EIF3L: variants seen among roughly 807,000 people sequenced by gnomAD.
The protein encoded by EIF3L is eIEF associated protein HSPC021.
In EIF3L, 32 loss-of-function variants were observed where a neutral mutation model predicts 74.6. The observed-to-expected ratio is 0.43, with a 90% CI of 0.32 to 0.58. EIF3L has a LOEUF of 0.58. Among genes scored for constraint, EIF3L ranks in the 20% least tolerant of loss-of-function variants. EIF3L has a pLI of 0.06. For missense variants in EIF3L, 474 were observed against 707.8 expected, an observed-to-expected ratio of 0.67 and a Z score of 3.75; for synonymous variants, 256 against 254.4, an observed-to-expected ratio of 1.01 and a Z score of -0.06.
At chr22:37,854,398 A>T (rs1244834273) in intron 3 of EIF3L, among the ~76,000 whole-genome samples, 2 of 152,060 alleles carry the variant, frequency 1.3e-5, no homozygotes, top group Admixed American at 1.3e-4. Flanking sequence ...GAGAAAGGGG[A>T]ATTGGTAAGT....
intron 12 of EIF3L, chr22:37,888,130 G>T: frequency 3.0e-6 from 1 of 333,272 alleles, no homozygotes; most frequent in Non-Finnish European, 5.4e-6. Flanking sequence ...TCCCCTAACT[G>T]AACTAGTAAC....
chr22:37,870,399 A>G lies in EIF3L; in HGVS notation c.751+52A>G, dbSNP rs756052237. The G allele has an allele frequency of 4.6e-6, 7 of 1,529,554 alleles. No individual in the cohort carries two copies. The Admixed American group carries it at 1.0e-4, about 22-fold the overall frequency. The allele number at this position is 1,529,554 out of a possible 1,614,324, so 94.7% of individuals were successfully genotyped here. ...GCCTGCGAATTTCCAGCTGCTTGCC[A>G]TCTGTTCCAAATGAATAGATCACTG... On this transcript the variant is annotated intron_variant, in intron 8 of 12. Coordinates refer to ENST00000652021, the MANE Select transcript of EIF3L (RefSeq NM_016091.4).
intron 4 of EIF3L, among the ~76,000 whole-genome samples, chr22:37,858,332 C>T (rs2145805518): frequency 7.1e-6 from 1 of 141,368 alleles, no homozygotes; most frequent in African/African-American, 2.6e-5. Flanking sequence ...TCAAGCGATC[C>T]TCCCACCTTA....
intron 7 of EIF3L, 43 bp from the exon 8 acceptor site, chr22:37,870,133 T>C: frequency 6.5e-7 from 1 of 1,528,194 alleles, no homozygotes; most frequent in Non-Finnish European, 8.9e-7. Context: ...ATGATCACTT[T>C]GGGCTTATAC....
At chr22:37,887,004 C>A in intron 12 of EIF3L, 159 bp downstream of exon 12, 1 of 493,212 alleles carries the variant, frequency 2.0e-6, no homozygotes, top group Non-Finnish European at 3.8e-6. Context: ...TCTTAGCTCA[C>A]TGCAACCTCT....
At chr22:37,860,037 G>T (rs979583569) in intron 5 of EIF3L, among the ~76,000 whole-genome samples, 3 of 152,046 alleles carry the variant, frequency 2.0e-5, no homozygotes, top group African/African-American at 7.2e-5. Context: ...AATGCCATCT[G>T]TATTATTTAT....
At chr22:37,874,945 G>T (rs1230170134) in intron 9 of EIF3L, among the ~76,000 whole-genome samples, 1 of 133,946 alleles carries the variant, frequency 7.5e-6, no homozygotes, top group African/African-American at 2.8e-5. Flanking sequence ...GGGTTTCACC[G>T]TGTTGGCCAA....
In EIF3L at chr22:37,855,622, C is replaced by G. The variant is rs11551384; in HGVS notation, c.351C>G (p.Ala117=). ...ATACACCTTGGCCCGAGGCTGAAGCCATTGCTCCACAGGTTGGCAATGGTA... is the reference window on the plus strand; with the variant it reads ...ATACACCTTGGCCCGAGGCTGAAGCGATTGCTCCACAGGTTGGCAATGGTA... ...FKNTPWPEAE[A]IAPQVGNDAV... The change falls in exon 4 of 13, where the codon GCC becomes GCG. Residue 117 remains alanine (A), a synonymous_variant. Coordinates refer to ENST00000652021, the MANE Select transcript of EIF3L (RefSeq NM_016091.4). 94,526 of 1,613,790 alleles carry G rather than the reference C, an allele frequency of 0.059. 2,991 individuals are homozygous for G. Among genetic ancestry groups the G allele is most frequent in the African/African-American group, 0.082 (6,121 of 75,010 alleles).
chr22:37,867,384 C>T (rs1374605267), intron 7 of EIF3L, among the ~76,000 whole-genome samples: 4 of 151,996 alleles, frequency 2.6e-5, no homozygotes, highest in Admixed American at 6.6e-5. Context: ...TCTGGCCGGG[C>T]GCAGTGGCTC....
intron 4 of EIF3L, among the ~76,000 whole-genome samples, chr22:37,857,080 G>A (rs550463085): frequency 2.0e-5 from 3 of 151,548 alleles, no homozygotes; most frequent in South Asian, 2.1e-4. Context: ...AAGTCCTCCA[G>A]GCCAGGCGCG....
At chr22:37,866,256 T>C (rs1371643023) in intron 7 of EIF3L, among the ~76,000 whole-genome samples, 1 of 152,210 alleles carries the variant, frequency 6.6e-6, no homozygotes, top group Non-Finnish European at 1.5e-5. Context: ...AACCATATTT[T>C]CATAGACCTG....
chr22:37,878,284 G>A, intron 11 of EIF3L, 113 bp downstream of exon 11: 6 of 1,354,538 alleles, frequency 4.4e-6, no homozygotes, highest in Non-Finnish European at 4.9e-6. Flanking sequence ...GCCTTGTGGT[G>A]CTGCCACAAG....
chr22:37,885,768 T>TA (rs1200489761), intron 11 of EIF3L: 8 of 151,352 alleles, frequency 5.3e-5, no homozygotes, highest in Non-Finnish European at 1.0e-4. Flanking sequence ...TACGCCCAGC[T>TA]AATTTTTAGT....
intron 3 of EIF3L, among the ~76,000 whole-genome samples, chr22:37,851,756 C>T (rs1457133707): frequency 6.6e-6 from 1 of 152,176 alleles, no homozygotes; most frequent in African/African-American, 2.4e-5. Context: ...ACCTCCGCCT[C>T]CTGGGTTCAA....
chr22:37,874,252 T>C (rs1463809805), intron 8 of EIF3L, 118 bp from the exon 9 acceptor site: 1 of 1,056,094 alleles, frequency 9.5e-7, no homozygotes, highest in Non-Finnish European at 1.4e-6. Context: ...TCCCCAGTTG[T>C]TGAGGGAAGC....
intron 8 of EIF3L, 108 bp from the exon 9 acceptor site, chr22:37,874,262 C>A: frequency 8.3e-7 from 1 of 1,201,722 alleles, no homozygotes; most frequent in Non-Finnish European, 1.2e-6. Context: ...TTGAGGGAAG[C>A]TTTCAAGGCT....
At chr22:37,858,630 A>C in intron 4 of EIF3L, 49 bp from the exon 5 acceptor site, 810 of 1,540,322 alleles carry the variant, frequency 5.3e-4, no homozygotes, top group Non-Finnish European at 6.6e-4. Flanking sequence ...AGCTGCCAGG[A>C]TACCCCAGTT....
Position 37,849,442 on chromosome 22 carries a change from A to G in EIF3L, c.-8A>G, listed in dbSNP as rs770825859. 3.1e-6 allele frequency: 5 copies of G among 1,613,736 alleles called. No homozygotes were observed. The highest frequency in any genetic ancestry group is 1.7e-5 in the Admixed American group (1 of 60,004). ...CTCTTTCCGGCGGTGCTCGCAAGCG[A>G]GGCAGCCATGTCTTATCCCGCTGAT... On this transcript the variant is annotated 5_prime_UTR_variant, in exon 1 of 13. Coordinates refer to ENST00000652021, the MANE Select transcript of EIF3L (RefSeq NM_016091.4).
At chr22:37,880,301 G>T (rs1341057027) in intron 11 of EIF3L, 2 of 151,830 alleles carry the variant, frequency 1.3e-5, no homozygotes, top group South Asian at 4.1e-4. Flanking sequence ...TTTTAGTAGA[G>T]ACGGGGTTTC....
Sources: gnomAD v4.1 joint callset for allele counts (sites outside exome capture counted in the v4.1 genomes callset) on GRCh38, gnomAD v4.1.1 for gene constraint, MANE v1.5 for transcripts, NCBI Gene and HGNC (gene_info 2026-07-23, HGNC 2026-07-21) for gene names.